Variants in NFIB observed in about 807,000 individuals in gnomAD.
NFIB encodes the protein nuclear factor 1 B-type.
Under a neutral mutation model 61.5 loss-of-function variants are expected in NFIB, and 11 were observed. The ratio of observed to expected loss-of-function variants is 0.18; its 90% CI spans 0.11 to 0.30. The LOEUF (loss-of-function observed/expected upper bound fraction) is 0.30, where lower values mean the gene tolerates loss of function less well. Among genes scored for constraint, NFIB ranks in the 10% least tolerant of loss-of-function variants. The pLI, the probability that NFIB is intolerant of heterozygous loss-of-function variation, is 1.00. For synonymous variants in NFIB, 260 were observed against 216.5 expected, an observed-to-expected ratio of 1.20 and a Z score of -1.76; for missense variants, 471 against 608.9, an observed-to-expected ratio of 0.77 and a Z score of 2.38.
At chr9:14,347,948 C>G (rs929009274) in intron 1 of NFIB, among the ~76,000 whole-genome samples, 7 of 152,168 alleles carry the variant, frequency 4.6e-5, no homozygotes, top group Admixed American at 4.6e-4. Context: ...CACGCGGTGT[C>G]TGGTCTCCGC....
the NFIB span, among the ~76,000 whole-genome samples, chr9:14,469,465 T>C: frequency 2.6e-5 from 4 of 152,186 alleles, no homozygotes; most frequent in African/African-American, 4.8e-5. Context: ...ATCAGTGAGT[T>C]TGCCTTTGCC....
Position 14,170,116 on chromosome 9 carries a change from C to A in NFIB, c.616+9611G>T, listed in dbSNP as rs542620709. 3.3e-5 allele frequency among the ~76,000 whole-genome samples: 5 copies of A among 152,240 alleles called. No individual in the cohort carries two copies. The South Asian group carries it at 8.3e-4, about 25-fold the overall frequency. ...ATACAAGTGAGAGTTGCCTTAGTGCCTGGACAGTTTAGTCCAGCGAGCTTA... is the reference window on the plus strand; with the variant it reads ...ATACAAGTGAGAGTTGCCTTAGTGCATGGACAGTTTAGTCCAGCGAGCTTA... On this transcript the variant is annotated intron_variant, in intron 3 of 10. Coordinates refer to ENST00000380953, the MANE Select transcript of NFIB (RefSeq NM_001190737.2).
At chr9:14,193,837 T>C (rs1209258348) in intron 2 of NFIB, among the ~76,000 whole-genome samples, 1 of 152,176 alleles carries the variant, frequency 6.6e-6, no homozygotes, top group Non-Finnish European at 1.5e-5. Context: ...ACATACAGCA[T>C]CAATTCACAT....
chr9:14,295,579 C>T (rs1011406795), intron 2 of NFIB, among the ~76,000 whole-genome samples: 1 of 152,048 alleles, frequency 6.6e-6, no homozygotes, highest in East Asian at 1.9e-4. Context: ...TACAGTGAGC[C>T]GAGATTGCGC....
intron 8 of NFIB, among the ~76,000 whole-genome samples, chr9:14,119,268 T>C (rs1244322349): frequency 6.6e-6 from 1 of 152,174 alleles, no homozygotes; most frequent in Non-Finnish European, 1.5e-5. Flanking sequence ...TCTTTAGTAC[T>C]TCAGTCATGA....
the NFIB span, among the ~76,000 whole-genome samples, chr9:14,445,808 T>C: frequency 3.3e-5 from 5 of 152,312 alleles, no homozygotes; most frequent in East Asian, 3.9e-4. Context: ...CCAATACTTA[T>C]TTCTATTCAT....
intron 2 of NFIB, among the ~76,000 whole-genome samples, chr9:14,304,736 C>G (rs1751537178): frequency 6.6e-6 from 1 of 152,188 alleles, no homozygotes; most frequent in African/African-American, 2.4e-5. Context: ...ACTTAGAAGA[C>G]AAATAAAAAG....
At chr9:14,200,057 C>A (rs927978856) in intron 2 of NFIB, among the ~76,000 whole-genome samples, 7 of 152,090 alleles carry the variant, frequency 4.6e-5, no homozygotes, top group African/African-American at 1.7e-4. Context: ...GAGCCTGGAG[C>A]ATAATTTTGC....
At chr9:14,367,974 C>A (rs1307373751) in intron 1 of NFIB, among the ~76,000 whole-genome samples, 2 of 152,078 alleles carry the variant, frequency 1.3e-5, no homozygotes, top group African/African-American at 2.4e-5. Flanking sequence ...CACGTGTATA[C>A]CTATGTAACA....
chr9:14,371,114 A>AAAAC (rs148844966), intron 1 of NFIB, among the ~76,000 whole-genome samples: 5,424 of 151,972 alleles, frequency 0.036, 124 homozygotes, highest in Non-Finnish European at 0.051. Flanking sequence ...AAACCAAAAC[A>AAAAC]AAACAAACAA....
chr9:14,241,718 T>G (rs2054378420), intron 2 of NFIB, among the ~76,000 whole-genome samples: 1 of 152,198 alleles, frequency 6.6e-6, no homozygotes, highest in African/African-American at 2.4e-5. Flanking sequence ...CAGGTTAGTC[T>G]GGTGTGTACC....
At chr9:14,287,171 C>T (rs967773132) in intron 2 of NFIB, among the ~76,000 whole-genome samples, 7 of 152,028 alleles carry the variant, frequency 4.6e-5, no homozygotes, top group African/African-American at 9.7e-5. Context: ...GTGGCTCACA[C>T]CTGTAATCCC....
chr9:14,529,579 TTC>T, the NFIB span, among the ~76,000 whole-genome samples: 2 of 152,192 alleles, frequency 1.3e-5, no homozygotes, highest in African/African-American at 2.4e-5. Flanking sequence ...CTCTTCTAAA[TTC>T]TCTCTCTTCC....
the NFIB span, among the ~76,000 whole-genome samples, chr9:14,492,161 A>G: frequency 1.3e-5 from 2 of 152,074 alleles, no homozygotes; most frequent in Admixed American, 6.6e-5. Context: ...CAGGAGATCG[A>G]GACCATCCTG....
At chr9:14,344,197 C>A (rs1266826520) in intron 1 of NFIB, among the ~76,000 whole-genome samples, 1 of 151,958 alleles carries the variant, frequency 6.6e-6, no homozygotes, top group Non-Finnish European at 1.5e-5. Context: ...GAGACAGACA[C>A]ACACATACAT....
At chr9:14,347,765 T>G (rs1258909724) in intron 1 of NFIB, among the ~76,000 whole-genome samples, 1 of 151,968 alleles carries the variant, frequency 6.6e-6, no homozygotes, top group South Asian at 2.1e-4. Flanking sequence ...GCGGTTTTTT[T>G]TCCGTGCAGA....
At chr9:14,218,008 T>C (rs2131802016) in intron 2 of NFIB, among the ~76,000 whole-genome samples, 1 of 152,302 alleles carries the variant, frequency 6.6e-6, no homozygotes, top group East Asian at 1.9e-4. Context: ...AGCTGTACTT[T>C]CCATCCCAGG....
At chr9:14,343,516 T>C (rs916856879) in intron 1 of NFIB, among the ~76,000 whole-genome samples, 4 of 152,186 alleles carry the variant, frequency 2.6e-5, no homozygotes, top group Non-Finnish European at 5.9e-5. Context: ...GAAAGGGATG[T>C]GGCTGTTGGC....
At position 14,217,660 on chromosome 9, in the gene NFIB, C is replaced by CAAAAAAAAAAAAAAAA. The variant is rs34055171; in HGVS notation, c.563-37896_563-37881dup. Among the ~76,000 whole-genome samples, 258 of 81,436 alleles carry CAAAAAAAAAAAAAAAA rather than the reference C, an allele frequency of 3.2e-3. 2 individuals are homozygous for CAAAAAAAAAAAAAAAA. Among genetic ancestry groups the CAAAAAAAAAAAAAAAA allele is most frequent in the East Asian group, 9.8e-3 (18 of 1,830 alleles). The allele number at this position is 81,436 out of a possible 152,430, so 53.4% of individuals were successfully genotyped here. A position where few individuals can be genotyped will look rare whatever the true frequency, so the allele number is the denominator to read the frequency against. ...GGGCAACAAGAGTGAAACTCCATCT[C>CAAAAAAAAAAAAAAAA]AAAAAAAAAAAAAAAAAAAAAGACA... On this transcript the variant is annotated intron_variant, in intron 2 of 10. Coordinates refer to ENST00000380953, the MANE Select transcript of NFIB (RefSeq NM_001190737.2).
Sources: allele counts gnomAD v4.1 joint callset (sites outside exome capture counted in the v4.1 genomes callset), GRCh38; gene constraint gnomAD v4.1.1; transcripts MANE v1.5; gene names NCBI Gene and HGNC (gene_info 2026-07-23, HGNC 2026-07-21).